Variants in GLP2R observed in about 807,000 individuals in gnomAD.
GLP2R encodes the protein glucagon like peptide 2 receptor, also known as glucagon-like peptide 2 receptor.
Under a neutral mutation model 68.2 loss-of-function variants are expected in GLP2R, and 59 were observed. The ratio of observed to expected loss-of-function variants is 0.87; its 90% CI spans 0.70 to 1.07. GLP2R has a LOEUF of 1.07. GLP2R is among the 50% of genes least tolerant of loss of function. GLP2R has a pLI of 0.00. For synonymous variants in GLP2R, 270 were observed against 265.4 expected, an observed-to-expected ratio of 1.02 and a Z score of -0.17; for missense variants, 548 against 677.4, an observed-to-expected ratio of 0.81 and a Z score of 2.12.
chr17:9,854,147 C>G (rs187365382), intron 4 of GLP2R, among the ~76,000 whole-genome samples: 47 of 152,346 alleles, frequency 3.1e-4, no homozygotes, highest in African/African-American at 1.1e-3. Context: ...AGGGACAGTG[C>G]TCCCAAGGGC....
Position 9,870,826 on chromosome 17 carries a change from A to G in GLP2R, c.1136A>G (p.Tyr379Cys). Residue 379 changes from tyrosine to cysteine, a missense_variant, in exon 10 of 13, where the codon TAT becomes TGT. Tyr to Cys is a radical substitution (Grantham distance 194, BLOSUM62 -2). Transcript: ENST00000262441. ...GCTCATCAAATGTGCTTCAGAGATTATAAATACAGGTGAGTGGCTTAAGGT... is the reference window on the plus strand; with the variant it reads ...GCTCATCAAATGTGCTTCAGAGATTGTAAATACAGGTGAGTGGCTTAAGGT... ...LKAHQMCFRDYKYRLAKSTLV... is the reference protein window; with the variant it reads ...LKAHQMCFRDCKYRLAKSTLV... 6.7e-7 allele frequency: 1 copy of G among 1,499,348 alleles called. No homozygotes were observed. The highest frequency in any genetic ancestry group is 9.3e-7 in the Non-Finnish European group (1 of 1,074,870). 92.9% of individuals were successfully genotyped at this position (1,499,348 alleles called of 1,614,324 possible).
chr17:9,868,293 G>C (rs570920221), intron 9 of GLP2R, among the ~76,000 whole-genome samples: 5 of 152,262 alleles, frequency 3.3e-5, no homozygotes, highest in Non-Finnish European at 4.4e-5. Flanking sequence ...CAGAGGAGGA[G>C]GGGTTTGGCG....
intron 3 of GLP2R, among the ~76,000 whole-genome samples, chr17:9,838,944 C>T (rs2066758951): frequency 6.6e-6 from 1 of 152,146 alleles, no homozygotes; most frequent in South Asian, 2.1e-4. Flanking sequence ...ACCCGGGAGG[C>T]GGAGCCTGCA....
At chr17:9,872,335 G>C (rs547849130) in intron 10 of GLP2R, among the ~76,000 whole-genome samples, 5 of 152,162 alleles carry the variant, frequency 3.3e-5, no homozygotes, top group Non-Finnish European at 7.4e-5. Context: ...CCAGTACTTT[G>C]GGAGGCCAAG....
At chr17:9,848,334 C>T (rs2066860300) in intron 4 of GLP2R, among the ~76,000 whole-genome samples, 1 of 152,154 alleles carries the variant, frequency 6.6e-6, no homozygotes, top group Non-Finnish European at 1.5e-5. Flanking sequence ...AACCTCTGAC[C>T]TAGTACTGAG....
At chr17:9,830,726 T>C (rs1195546341) in intron 1 of GLP2R, among the ~76,000 whole-genome samples, 1 of 152,208 alleles carries the variant, frequency 6.6e-6, no homozygotes, top group Admixed American at 6.5e-5. Context: ...AACTACTAGC[T>C]TAAGGTATTC....
chr17:9,869,268 C>T (rs1198317550), intron 9 of GLP2R, among the ~76,000 whole-genome samples: 9 of 152,252 alleles, frequency 5.9e-5, no homozygotes. Context: ...CTGAAATTAT[C>T]TTTCTGAAAT....
At chr17:9,873,556 C>CTTTTTTTTTTTTTTTTTTTCT (rs2067115727) in intron 10 of GLP2R, among the ~76,000 whole-genome samples, 1 of 52,076 alleles carries the variant, frequency 1.9e-5, no homozygotes, top group Non-Finnish European at 3.4e-5. Context: ...TATGCATGGA[C>CTTTTTTTTTTTTTTTTTTTCT]TTTTTTTTTT....
intron 5 of GLP2R, among the ~76,000 whole-genome samples, chr17:9,855,432 G>A (rs2066926512): frequency 6.6e-6 from 1 of 152,130 alleles, no homozygotes; most frequent in Non-Finnish European, 1.5e-5. Flanking sequence ...CGGCCCTGGT[G>A]TAAATCCCTA....
chr17:9,852,057 T>G (rs1365839671), intron 4 of GLP2R, among the ~76,000 whole-genome samples: 3 of 120,498 alleles, frequency 2.5e-5, no homozygotes, highest in East Asian at 2.1e-4. Flanking sequence ...TGTTTTTTTT[T>G]TTGTTTTTTT....
intron 2 of GLP2R, among the ~76,000 whole-genome samples, chr17:9,835,187 C>T (rs1248558688): frequency 6.6e-6 from 1 of 152,028 alleles, no homozygotes; most frequent in Non-Finnish European, 1.5e-5. Flanking sequence ...CGCCACCACT[C>T]CCAGCTAATT....
At chr17:9,840,325 C>A (rs533407702) in intron 3 of GLP2R, among the ~76,000 whole-genome samples, 1 of 152,168 alleles carries the variant, frequency 6.6e-6, no homozygotes, top group East Asian at 1.9e-4. Flanking sequence ...CATTTATAAT[C>A]GTTTACGGCG....
intron 10 of GLP2R, among the ~76,000 whole-genome samples, chr17:9,877,568 C>A (rs372088691): frequency 6.6e-6 from 1 of 152,114 alleles, no homozygotes; most frequent in African/African-American, 2.4e-5. Context: ...TTTTGACAAA[C>A]GGGCATGGTT....
chr17:9,855,246 AG>A, intron 5 of GLP2R, among the ~76,000 whole-genome samples: 1 of 152,286 alleles, frequency 6.6e-6, no homozygotes, highest in East Asian at 1.9e-4. Flanking sequence ...GACCAGAGAG[AG>A]GCTAAGTCCA....
In GLP2R at chr17:9,891,060, C is replaced by T. The variant is rs1286170403; in HGVS notation, c.*1355C>T. On this transcript the variant is annotated 3_prime_UTR_variant, in exon 13 of 13. Coordinates refer to ENST00000262441, the MANE Select transcript of GLP2R (RefSeq NM_004246.3). ...GTGGGTGGGGTATGTTGCTATGGGA[C>T]TAAATACCACCTTGTCTTCGGGGGA... 1 of 152,080 alleles carries T rather than the reference C, an allele frequency of 6.6e-6. No individual in the cohort carries two copies. The highest frequency in any genetic ancestry group is 1.5e-5 in the Non-Finnish European group (1 of 68,012). The allele number at this position is 152,080 out of a possible 1,614,324, so 9.4% of individuals were successfully genotyped here.
At chr17:9,887,180 C>T (rs1344583054) in intron 11 of GLP2R, among the ~76,000 whole-genome samples, 6 of 151,402 alleles carry the variant, frequency 4.0e-5, no homozygotes. Flanking sequence ...GCCAGAAGCT[C>T]AGAGAGTAGG....
intron 4 of GLP2R, among the ~76,000 whole-genome samples, chr17:9,851,099 A>T (rs1174368101): frequency 6.6e-6 from 1 of 152,198 alleles, no homozygotes; most frequent in Non-Finnish European, 1.5e-5. Flanking sequence ...AAAAAAAGAC[A>T]TGTCCCCTAA....
intron 4 of GLP2R, among the ~76,000 whole-genome samples, chr17:9,849,652 G>A (rs1281832528): frequency 2.2e-4 from 25 of 116,154 alleles, no homozygotes; most frequent in Admixed American, 9.0e-4. Flanking sequence ...TTGCTCTGTC[G>A]CCCAGGCTGG....
intron 4 of GLP2R, among the ~76,000 whole-genome samples, chr17:9,852,293 C>A (rs1285415103): frequency 6.6e-6 from 1 of 152,058 alleles, no homozygotes; most frequent in Non-Finnish European, 1.5e-5. Flanking sequence ...CATTGTTTAA[C>A]TTCCACTTAT....
Sources: allele counts gnomAD v4.1 joint callset (sites outside exome capture counted in the v4.1 genomes callset), GRCh38; gene constraint gnomAD v4.1.1; transcripts MANE v1.5; gene names NCBI Gene and HGNC (gene_info 2026-07-23, HGNC 2026-07-21).